Variants in NLRP8 observed in about 807,000 individuals in gnomAD.
The protein encoded by NLRP8 is NLR family pyrin domain containing 8.
Under a neutral mutation model 88.7 loss-of-function variants are expected in NLRP8, and 86 were observed. The ratio of observed to expected loss-of-function variants is 0.97; its 90% CI spans 0.81 to 1.16. NLRP8 has a LOEUF of 1.16. NLRP8 is among the 50% of genes most tolerant of loss of function. The pLI is 0.00. For synonymous variants in NLRP8, 504 were observed against 494.6 expected (o/e 1.02, Z -0.25); for missense variants, 1,342 against 1,286.5 (o/e 1.04, Z -0.66).
chr19:55,978,147 G>A (rs1353979525), intron 8 of NLRP8, among the ~76,000 whole-genome samples: 13 of 151,808 alleles, frequency 8.6e-5, no homozygotes, highest in Admixed American at 5.3e-4. Context: ...TATCTGCTTT[G>A]GGTCCTTTTC....
chr19:55,964,962 C>T (rs1979775138), intron 4 of NLRP8, among the ~76,000 whole-genome samples: 2 of 152,124 alleles, frequency 1.3e-5, no homozygotes, highest in African/African-American at 2.4e-5. Context: ...ATTAGAGGTG[C>T]AAGGCAAATC....
chr19:55,959,743 A>G (rs1395701306), intron 3 of NLRP8, among the ~76,000 whole-genome samples: 1 of 152,174 alleles, frequency 6.6e-6, no homozygotes, highest in East Asian at 1.9e-4. Context: ...ATATCACCAG[A>G]CCAATTAAAA....
chr19:55,962,096 G>A lies in NLRP8; in HGVS notation c.2072G>A (p.Trp691Ter). 1 of 1,614,136 alleles carries A rather than the reference G, an allele frequency of 6.2e-7. No individual in the cohort carries two copies. Among genetic ancestry groups the A allele is most frequent in the Non-Finnish European group, 8.5e-7 (1 of 1,180,002 alleles). ...CCAGAGAGCAATGGGCTGCATCGTT[G>A]GTGGCAAGACTTATGCTCTGTGTTT... Residue 691 changes from tryptophan (W) to a stop codon, truncating the protein, a stop_gained, in exon 4 of 10, where the codon TGG becomes TAG. Transcript: ENST00000291971. LOFTEE classifies it high-confidence loss of function.
intron 9 of NLRP8, among the ~76,000 whole-genome samples, chr19:55,982,166 T>G (rs1438950097): frequency 6.6e-6 from 1 of 152,212 alleles, no homozygotes; most frequent in Admixed American, 6.5e-5. Flanking sequence ...CCTCCCAAAG[T>G]GCTGGGATTA....
Position 55,962,213 on chromosome 19 carries a change from C to T in NLRP8, c.2189C>T (p.Pro730Leu). The T allele has an allele frequency of 1.2e-6, 2 of 1,613,876 alleles. No individual in the cohort carries two copies. The highest frequency in any genetic ancestry group is 1.7e-6 in the Non-Finnish European group (2 of 1,179,954). The change falls in exon 4 of 10, where the codon CCT (proline) becomes CTT (leucine). Residue 730 changes from proline to leucine, a missense_variant. Coordinates refer to ENST00000291971, the MANE Select transcript of NLRP8 (RefSeq NM_176811.2). ...GCTCTCGCGGCCGCACTGAGGCACC[C>T]TCAGTGCAAACTGCAAAAGCTACTG...
intron 5 of NLRP8, among the ~76,000 whole-genome samples, chr19:55,966,656 G>A (rs1462228460): frequency 6.6e-6 from 1 of 152,050 alleles, no homozygotes; most frequent in Non-Finnish European, 1.5e-5. Context: ...TAGCCAGCGT[G>A]GTGGCAGGCT....
intron 3 of NLRP8, among the ~76,000 whole-genome samples, chr19:55,958,469 C>T (rs1474080092): frequency 6.6e-6 from 1 of 152,180 alleles, no homozygotes; most frequent in Non-Finnish European, 1.5e-5. Context: ...TGAGTTTCTC[C>T]AGGGCAGAGG....
chr19:55,950,385 C>A (rs1979038234), intron 1 of NLRP8, among the ~76,000 whole-genome samples: 1 of 152,092 alleles, frequency 6.6e-6, no homozygotes, highest in Non-Finnish European at 1.5e-5. Context: ...TGCCACTGCA[C>A]TCCAGCCTGG....
At chr19:55,958,250 T>C (rs1353497258) in intron 3 of NLRP8, among the ~76,000 whole-genome samples, 1 of 152,188 alleles carries the variant, frequency 6.6e-6, no homozygotes, top group African/African-American at 2.4e-5. Flanking sequence ...TCTTCCAGAT[T>C]CCTGTCTTTC....
At chr19:55,950,890 T>C (rs1361294285) in intron 1 of NLRP8, among the ~76,000 whole-genome samples, 1 of 152,124 alleles carries the variant, frequency 6.6e-6, no homozygotes, top group Non-Finnish European at 1.5e-5. Context: ...CCAGCCTGGC[T>C]AACACGGTGA....
At chr19:55,960,680 C>T (rs1286800592) in intron 3 of NLRP8, among the ~76,000 whole-genome samples, 3 of 152,012 alleles carry the variant, frequency 2.0e-5, no homozygotes, top group Non-Finnish European at 4.4e-5. Context: ...ATGTATTTGA[C>T]GGATGTGAAA....
intron 8 of NLRP8, among the ~76,000 whole-genome samples, chr19:55,978,194 A>AT (rs1318422687): frequency 6.6e-6 from 1 of 151,718 alleles, no homozygotes; most frequent in Non-Finnish European, 1.5e-5. Context: ...GTTTAATTTA[A>AT]TTTTTTTTAA....
Position 55,962,232 on chromosome 19 carries a change from GCTA to G in NLRP8, c.2211_2213del (p.Leu739del). On this transcript the variant is annotated inframe_deletion and splice_region_variant, in exon 4 of 10. Transcript: ENST00000291971. ...GGCACCCTCAGTGCAAACTGCAAAA[GCTA>G]CTGTGAGTATAACACAAATCCCACT... 1 of 1,612,818 alleles carries G rather than the reference GCTA, an allele frequency of 6.2e-7. No individual in the cohort carries two copies.
rs575977563 is a variant in NLRP8, at chr19:55,953,733, C to T, written c.443-768C>T. Among the ~76,000 whole-genome samples the T allele has an allele frequency of 7.4e-5, 11 of 149,206 alleles. No homozygotes were observed. In the East Asian group the frequency reaches 8.2e-4, roughly 11 times the overall value. On this transcript the variant is annotated intron_variant, in intron 2 of 9. Transcript: ENST00000291971. ...CAGGCTGGTCTCAAACTCCTAACCT[C>T]GTGCCCGCCTCGGCCTCCCAAAGTG...
chr19:55,948,813 G>C (rs1490568093), intron 1 of NLRP8, among the ~76,000 whole-genome samples: 1 of 152,150 alleles, frequency 6.6e-6, no homozygotes, highest in African/African-American at 2.4e-5. Context: ...TCATAGAGAA[G>C]TAGGAAGTAA....
At chr19:55,964,081 T>C (rs1979731742) in intron 4 of NLRP8, among the ~76,000 whole-genome samples, 1 of 152,156 alleles carries the variant, frequency 6.6e-6, no homozygotes, top group African/African-American at 2.4e-5. Flanking sequence ...TCTCCAGAGT[T>C]TTTAAGATCC....
intron 8 of NLRP8, 31 bp downstream of exon 8, chr19:55,976,334 C>T: frequency 6.5e-7 from 1 of 1,542,400 alleles, no homozygotes; most frequent in Non-Finnish European, 8.7e-7. Flanking sequence ...TCCTGTGAGA[C>T]CAGGAGAATT....
intron 3 of NLRP8, among the ~76,000 whole-genome samples, chr19:55,961,610 T>G (rs943463080): frequency 6.6e-6 from 1 of 151,224 alleles, no homozygotes; most frequent in Non-Finnish European, 1.5e-5. Context: ...AAGACCAGCC[T>G]GGGTAACATG....
At chr19:55,953,792 CTTTT>C (rs35767678) in intron 2 of NLRP8, among the ~76,000 whole-genome samples, 2 of 55,220 alleles carry the variant, frequency 3.6e-5, no homozygotes, top group South Asian at 1.1e-3. Context: ...TGTGCCTGGC[CTTTT>C]TTTTTTTTTT....
Sources: gnomAD v4.1 joint callset for allele counts (sites outside exome capture counted in the v4.1 genomes callset) on GRCh38, gnomAD v4.1.1 for gene constraint, MANE v1.5 for transcripts, NCBI Gene and HGNC (gene_info 2026-07-23, HGNC 2026-07-21) for gene names.